ANOS1: variants seen among roughly 807,000 people sequenced by gnomAD.
ANOS1 encodes anosmin-1.
A neutral mutation model predicts 59.0 loss-of-function variants in ANOS1; 6 were observed. The ratio of observed to expected loss-of-function variants is 0.10; its 90% confidence interval spans 0.06 to 0.20. ANOS1 has a LOEUF of 0.20. Ranked by LOEUF, ANOS1 falls within the 10% of genes least tolerant of loss-of-function variation. The probability of loss-of-function intolerance (pLI) is 1.00; values close to 1 mark genes in which losing one functional copy is unlikely to be tolerated. For synonymous variants in ANOS1, 217 were observed against 223.4 expected (o/e 0.97, Z 0.25); for missense variants, 433 against 542.3 (o/e 0.80, Z 2.00).
chrX:8,566,274 A>G (rs920297208), intron 8 of ANOS1: 1 of 750,115 alleles, frequency 1.3e-6, no homozygotes, highest in Admixed American at 8.8e-5. Context: ...ATTCAAAATT[A>G]GGCACTTTTA....
At chrX:8,546,484 A>G (rs921578590) in intron 9 of ANOS1, among the ~76,000 whole-genome samples, 3 of 112,150 alleles carry the variant, frequency 2.7e-5, no homozygotes, top group African/African-American at 9.7e-5. Flanking sequence ...ACGAAACTCT[A>G]ATTAGAGCAT....
chrX:8,730,595 C>T (rs1196928386), intron 1 of ANOS1, among the ~76,000 whole-genome samples: 5 of 96,231 alleles, frequency 5.2e-5, no homozygotes, highest in Non-Finnish European at 1.0e-4. Flanking sequence ...CCCCCCCACC[C>T]CTTGACCCAG....
chrX:8,536,739 T>C, intron 11 of ANOS1, 32 bp downstream of exon 11: 4 of 1,158,940 alleles, frequency 3.5e-6, no homozygotes, highest in Non-Finnish European at 3.5e-6. Flanking sequence ...ACCGTAGACC[T>C]AGATGTAGAA....
chrX:8,706,068 TAAAG>T (rs1932778134), intron 1 of ANOS1, among the ~76,000 whole-genome samples: 1 of 112,471 alleles, frequency 8.9e-6, no homozygotes, highest in Non-Finnish European at 1.9e-5. Context: ...GATTTTTCCT[TAAAG>T]AAAGATAACT....
chrX:8,676,108 T>C (rs1932334190), intron 2 of ANOS1, among the ~76,000 whole-genome samples: 1 of 111,621 alleles, frequency 9.0e-6, no homozygotes, highest in Non-Finnish European at 1.9e-5. Flanking sequence ...GTATCATATA[T>C]TTTTTACTTC....
At chrX:8,549,231 G>A (rs1252136587) in intron 9 of ANOS1, among the ~76,000 whole-genome samples, 1 of 112,305 alleles carries the variant, frequency 8.9e-6, no homozygotes, top group Non-Finnish European at 1.9e-5. Context: ...GAAAACCACT[G>A]ATATTCTTCA....
intron 2 of ANOS1, among the ~76,000 whole-genome samples, chrX:8,643,199 T>C (rs929536061): frequency 8.9e-6 from 1 of 111,842 alleles, no homozygotes; most frequent in African/African-American, 3.2e-5. Flanking sequence ...CTCCTAATAA[T>C]GCATATAGAA....
intron 2 of ANOS1, among the ~76,000 whole-genome samples, chrX:8,687,354 T>G (rs1039331296): frequency 9.1e-5 from 10 of 110,422 alleles, no homozygotes; most frequent in African/African-American, 3.3e-4. Flanking sequence ...CATTGTCACT[T>G]CATAGCTAGC....
intron 2 of ANOS1, among the ~76,000 whole-genome samples, chrX:8,681,200 C>T (rs1052421992): frequency 1.8e-5 from 2 of 111,647 alleles, no homozygotes; most frequent in African/African-American, 3.3e-5. Context: ...TCTGTGAAGT[C>T]CCTGTGCATG....
chrX:8,658,325 C>T (rs1931967952), intron 2 of ANOS1, among the ~76,000 whole-genome samples: 1 of 111,922 alleles, frequency 8.9e-6, no homozygotes. Flanking sequence ...CTAGCTCTTC[C>T]TCAGAGGTCA....
chrX:8,725,681 GATATAT>G lies in ANOS1; in HGVS notation c.207+6143_207+6148del, dbSNP rs761973508. 8.0e-5 allele frequency among the ~76,000 whole-genome samples: 5 copies of G among 62,176 alleles called. 1 individual carries two copies. The highest frequency in any genetic ancestry group is 7.4e-4 in the Admixed American group (4 of 5,379). The allele number at this position is 62,176 out of a possible 115,157, so 54.0% of individuals were successfully genotyped here. ...ATATATATACAGATATATATATACA[GATATAT>G]ATATATACAGATATATATATACAGA... is the stretch of plus-strand genomic sequence containing the variant. On this transcript the variant is annotated intron_variant, in intron 1 of 13. Transcript: ENST00000262648.
At chrX:8,677,558 C>T (rs1932356316) in intron 2 of ANOS1, among the ~76,000 whole-genome samples, 2 of 110,882 alleles carry the variant, frequency 1.8e-5, no homozygotes, top group Admixed American at 1.9e-4. Flanking sequence ...CTCATGTACC[C>T]CATAAATATA....
rs2146819296 is a variant in ANOS1 at position 8,587,917 on chromosome X, C to T, written c.603G>A (p.Glu201=). 1 of 1,209,534 alleles carries T rather than the reference C, an allele frequency of 8.3e-7. No individual in the cohort carries two copies. Among genetic ancestry groups the T allele is most frequent in the East Asian group, 3.0e-5 (1 of 33,776 alleles). The part of the protein sequence containing the change: ...RFTELQSGQL[E]VKWSSKFNIS... The stretch of plus-strand genomic sequence containing the variant: ...TATTGAATTTCGAGGACCACTTAAC[C>T]TCCAGCTGTCCAGACTGCAGTTCTG... The change falls in exon 5 of 14, where the codon GAG becomes GAA. Residue 201 remains glutamate, a synonymous_variant. Transcript: ENST00000262648.
intron 1 of ANOS1, among the ~76,000 whole-genome samples, chrX:8,718,956 C>G (rs1327744239): frequency 8.9e-6 from 1 of 112,084 alleles, no homozygotes; most frequent in Non-Finnish European, 1.9e-5. Flanking sequence ...TCGTATACTT[C>G]CAATTGTGGG....
intron 2 of ANOS1, among the ~76,000 whole-genome samples, chrX:8,635,284 C>A (rs1374313415): frequency 9.0e-6 from 1 of 111,513 alleles, no homozygotes; most frequent in Non-Finnish European, 1.9e-5. Flanking sequence ...TGGATAGAAC[C>A]TACTTCTTTT....
intron 1 of ANOS1, among the ~76,000 whole-genome samples, chrX:8,702,345 T>C (rs1391564979): frequency 8.9e-6 from 1 of 112,177 alleles, no homozygotes; most frequent in African/African-American, 3.2e-5. Flanking sequence ...AACATACCCT[T>C]TTATAAAACT....
rs998562763 is a variant in ANOS1 at position 8,570,827 on chromosome X, G to A, written c.857-123C>T. 4.3e-5 allele frequency: 28 copies of A among 648,455 alleles called. No individual in the cohort carries two copies. The Admixed American group carries it at 6.1e-4, about 14-fold the overall frequency. 53.4% of individuals were successfully genotyped at this position (648,455 alleles called of 1,213,427 possible). A position where few individuals can be genotyped will look rare whatever the true frequency, so the allele number is the denominator to read the frequency against. On this transcript the variant is annotated intron_variant, in intron 6 of 13. Coordinates refer to ENST00000262648, the MANE Select transcript of ANOS1 (RefSeq NM_000216.4). ...TATAGATAGAAAAGCTGAAAACGGGGGTGGAGGGGCATGGTGGCTCATGTC... is the reference window on the plus strand; with the variant it reads ...TATAGATAGAAAAGCTGAAAACGGGAGTGGAGGGGCATGGTGGCTCATGTC...
At chrX:8,627,561 G>C (rs747114672) in intron 2 of ANOS1, among the ~76,000 whole-genome samples, 1 of 111,737 alleles carries the variant, frequency 8.9e-6, no homozygotes, top group South Asian at 3.8e-4. Context: ...CTAGTAATCA[G>C]CAGTATCTAA....
intron 1 of ANOS1, among the ~76,000 whole-genome samples, chrX:8,702,903 AG>A (rs1161306721): frequency 2.3e-4 from 26 of 111,947 alleles, no homozygotes; most frequent in African/African-American, 7.5e-4. Flanking sequence ...CTTGGTTGGA[AG>A]GTTTTGAGTC....
Sources: allele counts gnomAD v4.1 joint callset (sites outside exome capture counted in the v4.1 genomes callset), GRCh38; gene constraint gnomAD v4.1.1; transcripts MANE v1.5; gene names NCBI Gene and HGNC (gene_info 2026-07-23, HGNC 2026-07-21).